The following SLC16A12 variants were observed in gnomAD, a reference collection of about 807,000 sequenced individuals.
SLC16A12 encodes the protein monocarboxylate transporter 12.
A neutral mutation model predicts 42.4 loss-of-function variants in SLC16A12; 17 were observed. The ratio of observed to expected loss-of-function variants is 0.40; its 90% CI spans 0.27 to 0.60. SLC16A12 has a LOEUF of 0.60. SLC16A12 is among the 20% of genes least tolerant of loss of function. SLC16A12 has a pLI of 0.42. For missense variants in SLC16A12, 544 were observed against 623.0 expected, an observed-to-expected ratio of 0.87 and a Z score of 1.35; for synonymous variants, 224 against 229.4, an observed-to-expected ratio of 0.98 and a Z score of 0.21.
At chr10:89,436,616 G>A (rs1841790011) in intron 6 of SLC16A12, among the ~76,000 whole-genome samples, 1 of 152,030 alleles carries the variant, frequency 6.6e-6, no homozygotes, top group African/African-American at 2.4e-5. Flanking sequence ...AAATGGAAAG[G>A]TTACTTATCT....
At position 89,462,509 on chromosome 10, in the gene SLC16A12, T is replaced by C. The variant is rs542582878; in HGVS notation, c.70A>G (p.Lys24Glu). The C allele has an allele frequency of 3.1e-6, 5 of 1,613,910 alleles. No individual in the cohort carries two copies. In the South Asian group the frequency reaches 4.4e-5, roughly 14 times the overall value. The change falls in exon 3 of 8, where the codon AAA becomes GAA. Residue 24 changes from lysine to glutamate, a missense_variant. Coordinates refer to ENST00000371790, the MANE Select transcript of SLC16A12 (RefSeq NM_213606.4). Reference protein sequence around the residue: ...IITWLLEQPGKEEKRKTMAKV... With the variant: ...IITWLLEQPGEEEKRKTMAKV... The stretch of plus-strand genomic sequence containing the variant: ...GCCATGGTTTTTCTTTTTTCTTCTT[T>C]TCCAGGTTGCTCCAACAGCCAAGTT...
chr10:89,466,376 C>T (rs1842400670), intron 2 of SLC16A12, among the ~76,000 whole-genome samples: 1 of 152,156 alleles, frequency 6.6e-6, no homozygotes, highest in Admixed American at 6.5e-5. Context: ...TTTCATGAGG[C>T]TCACATCCTA....
At chr10:89,541,554 T>C (rs2133884461) in intron 2 of SLC16A12, among the ~76,000 whole-genome samples, 1 of 152,280 alleles carries the variant, frequency 6.6e-6, no homozygotes, top group East Asian at 1.9e-4. Context: ...GTTACAGCAC[T>C]CCAGCTTGGG....
At chr10:89,456,106 T>C (rs1842185105) in intron 3 of SLC16A12, 2 of 152,244 alleles carry the variant, frequency 1.3e-5, no homozygotes, top group Admixed American at 6.5e-5. Context: ...AGAATTGATC[T>C]ACTGGGCACT....
chr10:89,461,470 G>A (rs1361027814), intron 3 of SLC16A12, among the ~76,000 whole-genome samples: 2 of 152,096 alleles, frequency 1.3e-5, no homozygotes, highest in Admixed American at 6.5e-5. Flanking sequence ...CCCTAACCTT[G>A]TGTAAGATTA....
intron 2 of SLC16A12, among the ~76,000 whole-genome samples, chr10:89,540,790 A>T (rs1843710207): frequency 6.6e-6 from 1 of 152,212 alleles, no homozygotes; most frequent in African/African-American, 2.4e-5. Context: ...CTATGTCATC[A>T]TTTTAACCCA....
intron 2 of SLC16A12, among the ~76,000 whole-genome samples, chr10:89,464,618 A>G (rs1842361676): frequency 6.6e-6 from 1 of 152,242 alleles, no homozygotes; most frequent in African/African-American, 2.4e-5. Context: ...CTGGTAAATT[A>G]TGGGCAAAAT....
chr10:89,465,152 C>T (rs955517061), intron 2 of SLC16A12, among the ~76,000 whole-genome samples: 4 of 152,154 alleles, frequency 2.6e-5, no homozygotes, highest in Non-Finnish European at 5.9e-5. Context: ...TCACTACAGA[C>T]AGCATCTCAT....
chr10:89,452,630 T>A (rs1842112538), intron 3 of SLC16A12, among the ~76,000 whole-genome samples: 1 of 152,302 alleles, frequency 6.6e-6, no homozygotes, highest in East Asian at 1.9e-4. Flanking sequence ...TTGTTGTTGA[T>A]CCTTGTGGTA....
upstream of SLC16A12, among the ~76,000 whole-genome samples, chr10:89,536,484 G>A (rs1843664128): frequency 1.3e-5 from 2 of 152,124 alleles, no homozygotes; most frequent in East Asian, 1.9e-4. Flanking sequence ...AATGAGTGAG[G>A]TGTAGGCGCC....
chr10:89,497,442 G>A (rs1322556617), intron 2 of SLC16A12, among the ~76,000 whole-genome samples: 1 of 151,976 alleles, frequency 6.6e-6, no homozygotes, highest in Admixed American at 6.6e-5. Flanking sequence ...TATATTTTTT[G>A]GACCAAATTG....
chr10:89,442,362 T>C (rs754624651), intron 4 of SLC16A12, among the ~76,000 whole-genome samples: 4 of 152,210 alleles, frequency 2.6e-5, no homozygotes, highest in Non-Finnish European at 4.4e-5. Context: ...AATTTAAATA[T>C]GTTGCTTCTG....
In SLC16A12 at chr10:89,452,870, T is replaced by G. The variant is rs1211168747; in HGVS notation, c.201-9011A>C. On this transcript the variant is annotated intron_variant, in intron 3 of 7. Coordinates refer to ENST00000371790, the MANE Select transcript of SLC16A12 (RefSeq NM_213606.4). The stretch of plus-strand genomic sequence containing the variant: ...CACGTCCTCAATCAGCCATTGGCGG[T>G]GGGTGCCCCCTCTACGCCCAGGGGT... Among the ~76,000 whole-genome samples the G allele has an allele frequency of 6.6e-5, 10 of 152,300 alleles. No homozygotes were observed. In the East Asian group the frequency reaches 1.9e-3, roughly 29 times the overall value.
chr10:89,536,257 G>T (rs1021667979), upstream of SLC16A12, among the ~76,000 whole-genome samples: 2 of 152,130 alleles, frequency 1.3e-5, no homozygotes, highest in Admixed American at 6.5e-5. Flanking sequence ...ATCTGGCAGG[G>T]ATCCGGACCC....
At chr10:89,439,575 A>G (rs1564568838) in intron 5 of SLC16A12, among the ~76,000 whole-genome samples, 1 of 152,222 alleles carries the variant, frequency 6.6e-6, no homozygotes, top group African/African-American at 2.4e-5. Context: ...GCCTATGAAG[A>G]CACAACACTG....
intron 3 of SLC16A12, among the ~76,000 whole-genome samples, chr10:89,460,348 AG>A (rs1345703333): frequency 6.6e-6 from 1 of 152,114 alleles, no homozygotes; most frequent in African/African-American, 2.4e-5. Context: ...CTTAATGTCC[AG>A]GGAGCTGTCA....
intron 2 of SLC16A12, among the ~76,000 whole-genome samples, chr10:89,521,496 A>G (rs1843355527): frequency 6.6e-6 from 1 of 152,238 alleles, no homozygotes; most frequent in South Asian, 2.1e-4. Flanking sequence ...AAGGAAACAC[A>G]TATTGCTGGT....
At chr10:89,547,166 A>C (rs1426418683) in intron 2 of SLC16A12, among the ~76,000 whole-genome samples, 2 of 152,184 alleles carry the variant, frequency 1.3e-5, no homozygotes, top group African/African-American at 4.8e-5. Flanking sequence ...AGAAGAATGA[A>C]TTTAAAAAAA....
At chr10:89,443,340 G>A (rs1038136680) in intron 4 of SLC16A12, among the ~76,000 whole-genome samples, 2 of 152,168 alleles carry the variant, frequency 1.3e-5, no homozygotes, top group African/African-American at 4.8e-5. Context: ...TTATGACTAT[G>A]TAAAAATGGC....
Sources: gnomAD v4.1 joint callset for allele counts (sites outside exome capture counted in the v4.1 genomes callset) on GRCh38, gnomAD v4.1.1 for gene constraint, MANE v1.5 for transcripts, NCBI Gene and HGNC (gene_info 2026-07-23, HGNC 2026-07-21) for gene names.